ZNF385D: variants seen among roughly 807,000 people sequenced by gnomAD.
ZNF385D encodes the protein zinc finger protein 659.
ZNF385D carries 15 observed loss-of-function variants against 35.8 expected under a neutral mutation model. That is an observed-to-expected ratio of 0.42 (90% confidence interval 0.28 to 0.64). ZNF385D has a LOEUF of 0.64. Among genes scored for constraint, ZNF385D ranks in the 30% least tolerant of loss-of-function variants. ZNF385D has a pLI of 0.23. For synonymous variants in ZNF385D, 212 were observed against 186.8 expected (o/e 1.13, Z -1.10); for missense variants, 474 against 494.6 (o/e 0.96, Z 0.39).
At chr3:21,536,091 T>A (rs191879183) in intron 3 of ZNF385D, among the ~76,000 whole-genome samples, 1 of 143,498 alleles carries the variant, frequency 7.0e-6, no homozygotes, top group South Asian at 2.2e-4. Flanking sequence ...TCCAAAACTT[T>A]CTTAATGATT....
intron 3 of ZNF385D, among the ~76,000 whole-genome samples, chr3:21,877,072 T>C (rs1307294626): frequency 2.6e-5 from 4 of 152,062 alleles, no homozygotes; most frequent in Non-Finnish European, 4.4e-5. Context: ...TAGAGGGTTG[T>C]AACTACCATG....
intron 2 of ZNF385D, among the ~76,000 whole-genome samples, chr3:22,243,917 G>A (rs1388669707): frequency 6.6e-6 from 1 of 150,606 alleles, no homozygotes; most frequent in Non-Finnish European, 1.5e-5. Flanking sequence ...ACAGGAAAGA[G>A]CACCTTTGAA....
chr3:22,176,716 G>C (rs1166251382), intron 2 of ZNF385D, among the ~76,000 whole-genome samples: 2 of 152,084 alleles, frequency 1.3e-5, no homozygotes, highest in Admixed American at 6.6e-5. Context: ...CTTCAAATCA[G>C]AATTTCTATT....
intron 3 of ZNF385D, among the ~76,000 whole-genome samples, chr3:21,947,953 C>A (rs1269879710): frequency 6.6e-6 from 1 of 152,092 alleles, no homozygotes; most frequent in Admixed American, 6.6e-5. Context: ...ATTTTTGATA[C>A]AATTAGTTCT....
At chr3:21,949,938 T>G (rs1210422515) in intron 3 of ZNF385D, among the ~76,000 whole-genome samples, 2 of 152,208 alleles carry the variant, frequency 1.3e-5, no homozygotes, top group African/African-American at 4.8e-5. Flanking sequence ...TGCCACATTT[T>G]CTTTATCTAG....
chr3:21,611,961 T>C lies in ZNF385D; in HGVS notation c.166-47277A>G, dbSNP rs1043038552. On this transcript the variant is annotated intron_variant, in intron 2 of 7. Coordinates refer to ENST00000281523, the MANE Select transcript of ZNF385D (RefSeq NM_024697.3). The stretch of plus-strand genomic sequence containing the variant: ...CTTACAGCCATGTCTTTGATAAAAA[T>C]GGATGCAAAACTGAAGGAAATTCAC... Among the ~76,000 whole-genome samples, 23 of 152,284 alleles carry C rather than the reference T, an allele frequency of 1.5e-4. No homozygotes were observed. The South Asian group carries it at 1.7e-3, about 11-fold the overall frequency.
intron 2 of ZNF385D, among the ~76,000 whole-genome samples, chr3:21,611,141 T>C (rs981293274): frequency 1.3e-5 from 2 of 152,382 alleles, no homozygotes; most frequent in Admixed American, 1.3e-4. Flanking sequence ...ACATTTATCC[T>C]GTTGCCTTTG....
chr3:21,460,766 C>T (rs1346162677), intron 4 of ZNF385D, among the ~76,000 whole-genome samples: 1 of 152,056 alleles, frequency 6.6e-6, no homozygotes, highest in Non-Finnish European at 1.5e-5. Context: ...TTTCTAATTT[C>T]ATTTGGGGTC....
At chr3:22,284,652 G>A (rs1055444390) in intron 2 of ZNF385D, among the ~76,000 whole-genome samples, 2 of 151,916 alleles carry the variant, frequency 1.3e-5, no homozygotes, top group African/African-American at 2.4e-5. Flanking sequence ...CCTATTCACT[G>A]CATGTAAAAT....
chr3:22,007,261 T>C (rs991228213), intron 3 of ZNF385D, among the ~76,000 whole-genome samples: 2 of 152,200 alleles, frequency 1.3e-5, no homozygotes, highest in Admixed American at 1.3e-4. Context: ...TACTAAATCT[T>C]AATTTTTTTA....
Position 22,134,808 on chromosome 3 carries a change from T to C in ZNF385D, c.325+34009A>G, listed in dbSNP as rs552098537. On this transcript the variant is annotated intron_variant, in intron 3 of 5. Coordinates refer to the ZNF385D transcript ENST00000494108. Reference sequence around the variant, plus strand: ...AAGGTAGAAGGACAAGAGAGAGAGATAGTGATAAAAGAGGGGTCTAACTCA... The same window carrying C: ...AAGGTAGAAGGACAAGAGAGAGAGACAGTGATAAAAGAGGGGTCTAACTCA... 4.6e-5 allele frequency among the ~76,000 whole-genome samples: 7 copies of C among 152,172 alleles called. No individual in the cohort carries two copies. In the East Asian group the frequency reaches 7.7e-4, roughly 17 times the overall value.
At chr3:21,820,309 A>C (rs1451218378) in intron 3 of ZNF385D, among the ~76,000 whole-genome samples, 1 of 151,824 alleles carries the variant, frequency 6.6e-6, no homozygotes, top group Admixed American at 6.6e-5. Flanking sequence ...AATGGAGATA[A>C]ATAAAAAGAA....
intron 2 of ZNF385D, among the ~76,000 whole-genome samples, chr3:22,251,779 G>T (rs114891923): frequency 6.6e-6 from 1 of 152,018 alleles, no homozygotes; most frequent in Non-Finnish European, 1.5e-5. Flanking sequence ...TAGCACAGTG[G>T]TTCAGAGTTT....
In ZNF385D at chr3:22,302,013, A is replaced by G. The variant is rs566792570; in HGVS notation, c.106+70437T>C. The stretch of plus-strand genomic sequence containing the variant: ...GCACACTTCATTTTTTCATTTTCCT[A>G]TTTACTGACATTTATATTGTTTCCA... On this transcript the variant is annotated intron_variant, in intron 2 of 5. Coordinates refer to the ZNF385D transcript ENST00000494108. Among the ~76,000 whole-genome samples, 242 of 151,834 alleles carry G rather than the reference A, an allele frequency of 1.6e-3. 1 individual carries two copies. Among genetic ancestry groups the G allele is most frequent in the African/African-American group, 4.7e-3 (195 of 41,428 alleles).
intron 3 of ZNF385D, among the ~76,000 whole-genome samples, chr3:22,156,702 C>A (rs754135187): frequency 1.3e-5 from 2 of 152,092 alleles, no homozygotes; most frequent in Non-Finnish European, 2.9e-5. Context: ...TCTCTTTCCT[C>A]TTCCTCACCC....
chr3:22,012,791 C>G (rs765272380), intron 3 of ZNF385D, among the ~76,000 whole-genome samples: 1 of 152,072 alleles, frequency 6.6e-6, no homozygotes, highest in African/African-American at 2.4e-5. Flanking sequence ...GCACATAATT[C>G]TTAGGAACTG....
chr3:22,290,372 C>G (rs1424740680), intron 2 of ZNF385D, among the ~76,000 whole-genome samples: 1 of 152,128 alleles, frequency 6.6e-6, no homozygotes, highest in African/African-American at 2.4e-5. Flanking sequence ...GGGGTGCAGA[C>G]TGATGTCAGA....
intron 3 of ZNF385D, among the ~76,000 whole-genome samples, chr3:22,153,190 G>T (rs992915081): frequency 6.6e-6 from 1 of 152,074 alleles, no homozygotes; most frequent in Non-Finnish European, 1.5e-5. Context: ...CTTTGGGAAT[G>T]GTCCAACAGA....
intron 4 of ZNF385D, among the ~76,000 whole-genome samples, chr3:21,440,423 A>T (rs1701800859): frequency 6.6e-6 from 1 of 152,082 alleles, no homozygotes; most frequent in South Asian, 2.1e-4. Flanking sequence ...ACTCCTCAAA[A>T]CTAGCAAGGC....
Sources: gnomAD v4.1 joint callset for allele counts (sites outside exome capture counted in the v4.1 genomes callset) on GRCh38, gnomAD v4.1.1 for gene constraint, MANE v1.5 for transcripts, NCBI Gene and HGNC (gene_info 2026-07-23, HGNC 2026-07-21) for gene names.